The following PHF14 variants were observed in gnomAD, a reference collection of about 807,000 sequenced individuals.
The protein encoded by PHF14 is PHD finger protein 14.
Under a neutral mutation model 117.9 loss-of-function variants are expected in PHF14, and 55 were observed. The observed-to-expected ratio is 0.47, with a 90% confidence interval of 0.38 to 0.58. PHF14 has a LOEUF of 0.58. Among genes scored for constraint, PHF14 ranks in the 20% least tolerant of loss-of-function variants. The pLI, the probability that PHF14 is intolerant of heterozygous loss-of-function variation, is 0.00. For missense variants in PHF14, 978 were observed against 1,122.2 expected, an observed-to-expected ratio of 0.87 and a Z score of 1.84; for synonymous variants, 409 against 368.6, an observed-to-expected ratio of 1.11 and a Z score of -1.26.
At chr7:10,987,233 C>G (rs752230703) in intron 3 of PHF14, among the ~76,000 whole-genome samples, 4 of 152,054 alleles carry the variant, frequency 2.6e-5, no homozygotes, top group Non-Finnish European at 4.4e-5. Flanking sequence ...AGAATTTAAC[C>G]TTTTCTAAAA....
Position 11,102,977 on chromosome 7 carries a change from A to G in PHF14, c.2655-8373A>G, listed in dbSNP as rs1787141630. The G allele has an allele frequency of 3.0e-6, 3 of 999,324 alleles. No individual in the cohort carries two copies. In the South Asian group the frequency reaches 1.3e-4, roughly 44 times the overall value. The allele number at this position is 999,324 out of a possible 1,614,324, so 61.9% of individuals were successfully genotyped here. A position where few individuals can be genotyped will look rare whatever the true frequency, so the allele number is the denominator to read the frequency against. On this transcript the variant is annotated intron_variant, in intron 16 of 17. Transcript: ENST00000634607. Reference sequence around the variant, plus strand: ...CTACTCCCTGTTGTGATTGAACAATACAAATAACAAACAAGAAAGACAATG... The same window carrying G: ...CTACTCCCTGTTGTGATTGAACAATGCAAATAACAAACAAGAAAGACAATG...
At chr7:10,974,526 A>G (rs2128306261) in intron 1 of PHF14, among the ~76,000 whole-genome samples, 1 of 152,274 alleles carries the variant, frequency 6.6e-6, no homozygotes, top group Admixed American at 6.5e-5. Flanking sequence ...ACGATGTCTA[A>G]GTGGGGGATT....
At chr7:11,015,554 T>C (rs910644822) in intron 5 of PHF14, among the ~76,000 whole-genome samples, 1 of 152,146 alleles carries the variant, frequency 6.6e-6, no homozygotes, top group Non-Finnish European at 1.5e-5. Context: ...TTGGACTGTC[T>C]ATGTTTGGAT....
chr7:11,083,446 A>AAATATTCT (rs1786235673), intron 16 of PHF14, among the ~76,000 whole-genome samples: 1 of 150,312 alleles, frequency 6.7e-6, no homozygotes, highest in South Asian at 2.1e-4. Flanking sequence ...TGCCACATAG[A>AAATATTCT]AATATTCTGC....
At chr7:11,020,526 A>T (rs1770476636) in intron 5 of PHF14, among the ~76,000 whole-genome samples, 1 of 151,920 alleles carries the variant, frequency 6.6e-6, no homozygotes, top group African/African-American at 2.4e-5. Flanking sequence ...CTACAGGGGC[A>T]TGCCACGACA....
chr7:11,159,003 A>G (rs908482413), intron 17 of PHF14, among the ~76,000 whole-genome samples: 1 of 152,086 alleles, frequency 6.6e-6, no homozygotes, highest in Non-Finnish European at 1.5e-5. Context: ...TTTACAGTTT[A>G]TCTGGCCTCA....
chr7:11,019,599 T>C (rs1423538270), intron 5 of PHF14, among the ~76,000 whole-genome samples: 2 of 152,198 alleles, frequency 1.3e-5, no homozygotes, highest in East Asian at 1.9e-4. Context: ...TCCTTTTTTA[T>C]TTCTAATTTT....
chr7:11,089,586 AT>A (rs757481765), intron 16 of PHF14, among the ~76,000 whole-genome samples: 1 of 152,156 alleles, frequency 6.6e-6, no homozygotes. Flanking sequence ...CTCTGGAAAT[AT>A]TTTTTAATGA....
intron 16 of PHF14, among the ~76,000 whole-genome samples, chr7:11,076,718 C>G (rs149032857): frequency 0.016 from 2,359 of 151,850 alleles, 24 homozygotes; most frequent in Non-Finnish European, 0.025. Flanking sequence ...CAGGTGCACA[C>G]CACCACACCC....
chr7:11,069,895 T>C (rs1006227296), intron 16 of PHF14, among the ~76,000 whole-genome samples: 3 of 151,312 alleles, frequency 2.0e-5, no homozygotes, highest in African/African-American at 4.9e-5. Context: ...TTTTATTAGA[T>C]AATACTGGCC....
rs117308428 is a variant in PHF14, at chr7:11,038,871, A to G, written c.2076+16A>G. 31,766 of 1,262,210 alleles carry G rather than the reference A, an allele frequency of 0.025. 458 individuals are homozygous for G. Among genetic ancestry groups the G allele is most frequent in the Middle Eastern group, 0.045 (237 of 5,240 alleles). 78.2% of individuals were successfully genotyped at this position (1,262,210 alleles called of 1,614,324 possible). A position where few individuals can be genotyped will look rare whatever the true frequency, so the allele number is the denominator to read the frequency against. ...CACAGGGCAGGTTAGTTTCTTTCCA[A>G]TTGCTGTCTCCTTCAGTTCTTGCTC... is the stretch of plus-strand genomic sequence containing the variant. On this transcript the variant is annotated intron_variant, in intron 11 of 17. Transcript: ENST00000634607.
intron 7 of PHF14, among the ~76,000 whole-genome samples, chr7:11,030,407 G>C (rs1784082074): frequency 6.6e-6 from 1 of 151,996 alleles, no homozygotes. Flanking sequence ...TTTTACTATG[G>C]TAGTTTGGAT....
intron 14 of PHF14, among the ~76,000 whole-genome samples, chr7:11,060,246 A>C (rs527300551): frequency 6.6e-6 from 1 of 152,268 alleles, no homozygotes; most frequent in African/African-American, 2.4e-5. Context: ...ACCACTTATA[A>C]ATTTATTTTA....
chr7:11,104,055 C>A (rs960606549), intron 16 of PHF14: 77 of 984,654 alleles, frequency 7.8e-5, no homozygotes, highest in Non-Finnish European at 9.2e-5. Context: ...ATATACTAAT[C>A]CATTAGACCA....
chr7:11,063,551 T>A (rs962004594), intron 16 of PHF14: 2 of 974,440 alleles, frequency 2.1e-6, no homozygotes, highest in Non-Finnish European at 2.4e-6. Context: ...GTGATCCTTT[T>A]ATTAATTATT....
chr7:11,024,463 C>T (rs1011933806), intron 6 of PHF14, among the ~76,000 whole-genome samples: 1 of 152,172 alleles, frequency 6.6e-6, no homozygotes, highest in African/African-American at 2.4e-5. Flanking sequence ...CTAGGACTTA[C>T]CATAGCTAGA....
chr7:11,110,267 G>A (rs529223964), intron 16 of PHF14: 2 of 151,778 alleles, frequency 1.3e-5, no homozygotes, highest in East Asian at 1.9e-4. Flanking sequence ...TTTTCCCCTT[G>A]GTTTCTTAAT....
intron 6 of PHF14, among the ~76,000 whole-genome samples, chr7:11,027,661 A>G (rs920757318): frequency 2.0e-5 from 3 of 152,108 alleles, no homozygotes; most frequent in African/African-American, 4.8e-5. Flanking sequence ...ACTGTGTTGT[A>G]TATTACTACC....
At chr7:11,165,168 C>T (rs577798103) in intron 17 of PHF14, among the ~76,000 whole-genome samples, 1 of 152,208 alleles carries the variant, frequency 6.6e-6, no homozygotes, top group African/African-American at 2.4e-5. Context: ...TGTGATCCGC[C>T]TGCCTCGGCC....
Sources: gnomAD v4.1 joint callset for allele counts (sites outside exome capture counted in the v4.1 genomes callset) on GRCh38, gnomAD v4.1.1 for gene constraint, MANE v1.5 for transcripts, NCBI Gene and HGNC (gene_info 2026-07-23, HGNC 2026-07-21) for gene names.